The following CYP2C19 variants were observed in gnomAD, a reference collection of about 807,000 sequenced individuals.
The protein encoded by CYP2C19 is cytochrome P450 2C19.
CYP2C19 carries 59 observed loss-of-function variants against 40.9 expected under a neutral mutation model. That is an observed-to-expected ratio of 1.44 (90% CI 1.17 to 1.79). The LOEUF (loss-of-function observed/expected upper bound fraction) is 1.79. CYP2C19 is among the 40% of genes most tolerant of loss of function. The probability of loss-of-function intolerance (pLI) is 0.00; values close to 1 mark genes in which losing one functional copy is unlikely to be tolerated. For synonymous variants in CYP2C19, 253 were observed against 208.7 expected (o/e 1.21, Z -1.83); for missense variants, 754 against 596.9 (o/e 1.26, Z -2.74).
At chr10:94,843,141 A>T in intron 7 of CYP2C19, 117 bp downstream of exon 7, 1 of 1,274,566 alleles carries the variant, frequency 7.8e-7, no homozygotes. Flanking sequence ...TATGTATGGC[A>T]GTTTAATTGG....
At chr10:94,809,397 T>G (rs899991370) in intron 5 of CYP2C19, among the ~76,000 whole-genome samples, 4 of 152,186 alleles carry the variant, frequency 2.6e-5, no homozygotes, top group African/African-American at 9.7e-5. Flanking sequence ...TCTTTTCACT[T>G]TATTGATTGT....
At chr10:94,784,709 C>G (rs78673919) in intron 5 of CYP2C19, among the ~76,000 whole-genome samples, 1,861 of 152,098 alleles carry the variant, frequency 0.012, 54 homozygotes, top group African/African-American at 0.043. Flanking sequence ...CCTGCCCCAG[C>G]CTTCAGAGTA....
Position 94,816,127 on chromosome 10 carries a change from C to G in CYP2C19, c.820-4369C>G, listed in dbSNP as rs147316153. On this transcript the variant is annotated intron_variant, in intron 5 of 8. Transcript: ENST00000371321. ...CCAAAAAATATGCTGTGTGAGTCAG[C>G]TAACTGCAGAGTCTGACAAATGGAA... 3.1e-3 allele frequency among the ~76,000 whole-genome samples: 473 copies of G among 151,996 alleles called. 3 individuals carry two copies. The highest frequency in any genetic ancestry group is 0.011 in the African/African-American group (450 of 41,470).
intron 5 of CYP2C19, among the ~76,000 whole-genome samples, chr10:94,801,868 T>C (rs1848769908): frequency 6.6e-6 from 1 of 152,176 alleles, no homozygotes. Context: ...TCTTGTTGAC[T>C]TCAGAAATGA....
At chr10:94,816,205 G>T (rs1479810827) in intron 5 of CYP2C19, among the ~76,000 whole-genome samples, 1 of 151,348 alleles carries the variant, frequency 6.6e-6, no homozygotes, top group African/African-American at 2.4e-5. Flanking sequence ...GGGCCAGTTG[G>T]TCTACAGCAT....
intron 3 of CYP2C19, among the ~76,000 whole-genome samples, chr10:94,779,945 T>C (rs889414802): frequency 6.6e-6 from 1 of 152,228 alleles, no homozygotes; most frequent in Non-Finnish European, 1.5e-5. Flanking sequence ...AACTAATCTA[T>C]GTTAGACATT....
At chr10:94,805,570 G>T (rs1848823480) in intron 5 of CYP2C19, among the ~76,000 whole-genome samples, 1 of 152,010 alleles carries the variant, frequency 6.6e-6, no homozygotes, top group African/African-American at 2.4e-5. Context: ...CTTACAAAAT[G>T]GAAACCTTAT....
intron 6 of CYP2C19, among the ~76,000 whole-genome samples, chr10:94,829,936 T>C (rs1849299984): frequency 6.6e-6 from 1 of 152,216 alleles, no homozygotes; most frequent in Non-Finnish European, 1.5e-5. Context: ...AGTGTGCCCC[T>C]GCTGGGGATT....
chr10:94,813,723 C>T (rs959578715), intron 5 of CYP2C19, among the ~76,000 whole-genome samples: 1 of 151,094 alleles, frequency 6.6e-6, no homozygotes, highest in Admixed American at 6.6e-5. Flanking sequence ...TTGCTGGGCT[C>T]CATGGGGGTG....
In CYP2C19 at chr10:94,848,965, A is replaced by G. The variant is rs188725057; in HGVS notation, c.1150-952A>G. ...TTTGCTGAAGTTGTTTATCAGCTTA[A>G]GGAGATTTTGGGCTGAGACGATGGG... On this transcript the variant is annotated intron_variant, in intron 7 of 8. Coordinates refer to ENST00000371321, the MANE Select transcript of CYP2C19 (RefSeq NM_000769.4). 2.8e-4 allele frequency among the ~76,000 whole-genome samples: 42 copies of G among 152,290 alleles called. 1 individual carries two copies. Among genetic ancestry groups the G allele is most frequent in the African/African-American group, 9.6e-4 (40 of 41,582 alleles).
chr10:94,841,102 G>A (rs563128475), intron 6 of CYP2C19, among the ~76,000 whole-genome samples: 24 of 152,196 alleles, frequency 1.6e-4, no homozygotes, highest in African/African-American at 5.3e-4. Context: ...GGCAAGCTTC[G>A]TGTTCTCTGA....
At chr10:94,849,169 C>A (rs368123124) in intron 7 of CYP2C19, among the ~76,000 whole-genome samples, 12 of 151,932 alleles carry the variant, frequency 7.9e-5, no homozygotes, top group African/African-American at 2.9e-4. Flanking sequence ...AAGTCATAGT[C>A]TACACATAAG....
chr10:94,851,680 C>T (rs964016139), intron 8 of CYP2C19, among the ~76,000 whole-genome samples: 1 of 151,976 alleles, frequency 6.6e-6, no homozygotes, highest in Non-Finnish European at 1.5e-5. Flanking sequence ...ATTGATAATA[C>T]CCCCTCTGTA....
Position 94,849,928 on chromosome 10 carries a change from A to G in CYP2C19, c.1161A>G (p.Ile387Met). The G allele has an allele frequency of 1.2e-6, 2 of 1,613,660 alleles. No individual in the cohort carries two copies. Among genetic ancestry groups the G allele is most frequent in the Non-Finnish European group, 1.7e-6 (2 of 1,179,710 alleles). Residue 387 changes from isoleucine to methionine, a missense_variant, in exon 8 of 9, where the codon ATA becomes ATG. By Grantham distance (10) the Ile-to-Met change is conservative. Transcript: ENST00000371321. ...TCTCTTGTTTCTAGGGCACAACCAT[A>G]TTAACTTCCCTCACTTCTGTGCTAC... ...RNYLIPKGTT[I>M]LTSLTSVLHD...
chr10:94,821,737 A>C (rs1055222516), intron 6 of CYP2C19, among the ~76,000 whole-genome samples: 1 of 152,162 alleles, frequency 6.6e-6, no homozygotes, highest in Non-Finnish European at 1.5e-5. Context: ...ATTACAAATA[A>C]GAGTTAGGCC....
intron 6 of CYP2C19, among the ~76,000 whole-genome samples, chr10:94,836,891 G>A (rs1258506829): frequency 6.6e-6 from 1 of 152,194 alleles, no homozygotes; most frequent in Non-Finnish European, 1.5e-5. Flanking sequence ...GTCCAGGTAT[G>A]AGAATTGACT....
At chr10:94,817,197 A>T (rs1013366057) in intron 5 of CYP2C19, among the ~76,000 whole-genome samples, 1 of 146,534 alleles carries the variant, frequency 6.8e-6, no homozygotes, top group African/African-American at 2.5e-5. Context: ...TCCCACCAAC[A>T]GTGTAAAAGT....
Position 94,829,043 on chromosome 10 carries a change from A to T in CYP2C19, c.961+8406A>T, listed in dbSNP as rs150336456. ...TCTGCCGAGAGATCTGCTGTTAGTC[A>T]GATGGGCTTCCCTTTGAGGGTAACC... On this transcript the variant is annotated intron_variant, in intron 6 of 8. Coordinates refer to ENST00000371321, the MANE Select transcript of CYP2C19 (RefSeq NM_000769.4). Among the ~76,000 whole-genome samples, 20 of 152,148 alleles carry T rather than the reference A, an allele frequency of 1.3e-4. No individual in the cohort carries two copies. The East Asian group carries it at 1.6e-3, about 12-fold the overall frequency.
chr10:94,840,669 A>G (rs577211523), intron 6 of CYP2C19, among the ~76,000 whole-genome samples: 59 of 152,326 alleles, frequency 3.9e-4, no homozygotes, highest in Admixed American at 7.2e-4. Context: ...ACAGGTGAGT[A>G]GAGACTTCTG....
Sources: allele counts gnomAD v4.1 joint callset (sites outside exome capture counted in the v4.1 genomes callset), GRCh38; gene constraint gnomAD v4.1.1; transcripts MANE v1.5; gene names NCBI Gene and HGNC (gene_info 2026-07-23, HGNC 2026-07-21).